Variants in ZNF717 observed in about 807,000 individuals in gnomAD.
ZNF717 encodes zinc finger protein 717.
A neutral mutation model predicts 13.8 loss-of-function variants in ZNF717; 9 were observed. The ratio of observed to expected loss-of-function variants is 0.65; its 90% CI spans 0.39 to 1.14. The LOEUF (loss-of-function observed/expected upper bound fraction) is 1.14, where lower values mean the gene tolerates loss of function less well. Among genes scored for constraint, ZNF717 ranks in the 50% most tolerant of loss-of-function variants. The pLI, the probability that ZNF717 is intolerant of heterozygous loss-of-function variation, is 0.01. For missense variants in ZNF717, 1,040 were observed against 1,080.7 expected, an observed-to-expected ratio of 0.96 and a Z score of 0.53; for synonymous variants, 327 against 364.1, an observed-to-expected ratio of 0.90 and a Z score of 1.16.
chr3:75,735,069 C>T (rs1164967203), downstream of ZNF717, among the ~76,000 whole-genome samples: 3 of 152,180 alleles, frequency 2.0e-5, no homozygotes, highest in Non-Finnish European at 4.4e-5. Context: ...TCATGATCCA[C>T]CTGTCTCAGC....
In ZNF717 at chr3:75,738,929, T is replaced by C. The variant is rs1401007740; in HGVS notation, c.694A>G (p.Ile232Val). ...TTATATTTACCAAAGGTCTGTACTA[T>C]ATGAACCCTCTTATGTATAAAGAAC... ...AMFFIHKRVHIVQTFGKYNEY... is the reference protein window; with the variant it reads ...AMFFIHKRVHVVQTFGKYNEY... Residue 232 changes from isoleucine to valine, a missense_variant, in exon 5 of 5, where the codon ATA becomes GTA. Coordinates refer to ENST00000652011, the MANE Select transcript of ZNF717 (RefSeq NM_001290208.3). The C allele has an allele frequency of 1.4e-5, 21 of 1,551,444 alleles. No individual in the cohort carries two copies. Among genetic ancestry groups the C allele is most frequent in the East Asian group, 9.8e-5 (4 of 40,928 alleles).
chr3:75,752,128 TC>T (rs1045808244), intron 2 of ZNF717, among the ~76,000 whole-genome samples: 1 of 150,768 alleles, frequency 6.6e-6, no homozygotes, highest in African/African-American at 2.4e-5. Context: ...TGAATATCTG[TC>T]CCCCACATAG....
intron 6 of ZNF717, among the ~76,000 whole-genome samples, chr3:75,694,785 C>G (rs932976000): frequency 6.6e-6 from 1 of 152,300 alleles, no homozygotes; most frequent in Non-Finnish European, 1.5e-5. Context: ...AGTCTAAAAT[C>G]ATGTATTATA....
downstream of ZNF717, among the ~76,000 whole-genome samples, chr3:75,733,605 C>A (rs1306525572): frequency 7.1e-5 from 2 of 28,008 alleles, no homozygotes; most frequent in African/African-American, 2.9e-4. Context: ...GGTGAAACCC[C>A]ATCTCCACGA....
intron 2 of ZNF717, among the ~76,000 whole-genome samples, chr3:75,748,362 C>A (rs1941368973): frequency 6.6e-6 from 1 of 152,044 alleles, no homozygotes; most frequent in Non-Finnish European, 1.5e-5. Context: ...ATCCTGATAC[C>A]AAAGCCTGGA....
intron 2 of ZNF717, among the ~76,000 whole-genome samples, chr3:75,755,495 A>G (rs1942391801): frequency 6.6e-6 from 1 of 152,032 alleles, no homozygotes; most frequent in African/African-American, 2.4e-5. Context: ...AAGCTTGTAG[A>G]TAATAATAAA....
chr3:75,727,221 T>C (rs1284255532), downstream of ZNF717, among the ~76,000 whole-genome samples: 3 of 45,856 alleles, frequency 6.5e-5, no homozygotes, highest in South Asian at 5.4e-4. Context: ...ACTGTATAAA[T>C]TGTTTGTAAA....
At chr3:75,713,479 T>C (rs1421808392) in intron 5 of ZNF717, among the ~76,000 whole-genome samples, 1 of 152,128 alleles carries the variant, frequency 6.6e-6, no homozygotes, top group Admixed American at 6.5e-5. Context: ...AAACTTGTAG[T>C]AACCTTAAAT....
rs200429524 is a variant in ZNF717 at position 75,778,454 on chromosome 3, G to A, written c.57+4852C>T. On this transcript the variant is annotated intron_variant, in intron 2 of 4. Transcript: ENST00000652011. ...GAACCCAAAACAATGGGAGTGATGT[G>A]CTAGACCAGAAACCCAAAACAGTGG... Among the ~76,000 whole-genome samples the A allele has an allele frequency of 5.9e-5, 9 of 151,988 alleles. No homozygotes were observed. The East Asian group carries it at 1.7e-3, about 29-fold the overall frequency.
chr3:75,752,096 C>A (rs1336781171), intron 2 of ZNF717, among the ~76,000 whole-genome samples: 1 of 150,782 alleles, frequency 6.6e-6, no homozygotes, highest in Non-Finnish European at 1.5e-5. Flanking sequence ...ACATAGGACT[C>A]TAGAACACTC....
At position 75,739,111 on chromosome 3, in the gene ZNF717, G is replaced by C. The variant is rs1939984418; in HGVS notation, c.512C>G (p.Pro171Arg). 4 of 1,551,194 alleles carry C rather than the reference G, an allele frequency of 2.6e-6. No individual in the cohort carries two copies. The highest frequency in any genetic ancestry group is 3.5e-6 in the Non-Finnish European group (4 of 1,146,726). Residue 171 changes from proline to arginine, a missense_variant, in exon 5 of 5, where the codon CCT (proline) becomes CGT (arginine). Pro to Arg is a moderately radical substitution (Grantham distance 103). Transcript: ENST00000652011. ...TTTCTCTCCAGACTGTGTCTCCCCA[G>C]GCTTAATAGGGAAAAGCATGTTCTG... is the stretch of plus-strand genomic sequence containing the variant. ...DCQNMLFPIK[P>R]GETQSGEKPH...
intron 2 of ZNF717, among the ~76,000 whole-genome samples, chr3:75,778,636 A>G (rs1338255340): frequency 6.6e-6 from 1 of 150,534 alleles, no homozygotes; most frequent in Non-Finnish European, 1.5e-5. Context: ...ACTTGCTAAA[A>G]CCAGAACCCA....
At chr3:75,770,828 A>C (rs1228905615) in intron 2 of ZNF717, among the ~76,000 whole-genome samples, 1 of 152,212 alleles carries the variant, frequency 6.6e-6, no homozygotes, top group Non-Finnish European at 1.5e-5. Context: ...AAGAGGTCTA[A>C]GCTGTAGAGA....
At chr3:75,752,879 T>C (rs1001776029) in intron 2 of ZNF717, among the ~76,000 whole-genome samples, 3 of 151,224 alleles carry the variant, frequency 2.0e-5, no homozygotes, top group African/African-American at 4.9e-5. Context: ...GTCTGAAAGT[T>C]TGTCCCTCAC....
At chr3:75,745,279 G>A (rs375524520) in intron 2 of ZNF717, among the ~76,000 whole-genome samples, 1 of 151,752 alleles carries the variant, frequency 6.6e-6, no homozygotes, top group East Asian at 2.0e-4. Context: ...CAATGCAGTA[G>A]CGTTCTGGCA....
At chr3:75,750,973 A>T (rs1229518665) in intron 2 of ZNF717, among the ~76,000 whole-genome samples, 1 of 151,400 alleles carries the variant, frequency 6.6e-6, no homozygotes, top group African/African-American at 2.4e-5. Flanking sequence ...CTGTGGTCTG[A>T]AAGTTTGTCC....
At chr3:75,780,856 G>C (rs905187443) in intron 2 of ZNF717, among the ~76,000 whole-genome samples, 1 of 152,248 alleles carries the variant, frequency 6.6e-6, no homozygotes, top group Non-Finnish European at 1.5e-5. Flanking sequence ...ATAAATCCTA[G>C]AACAAACCAG....
At chr3:75,776,602 G>T (rs1204346037) in intron 2 of ZNF717, among the ~76,000 whole-genome samples, 4 of 152,200 alleles carry the variant, frequency 2.6e-5, no homozygotes, top group African/African-American at 9.7e-5. Flanking sequence ...GACTGCCCTT[G>T]CCATCCACAT....
At chr3:75,774,189 CA>C (rs528249551) in intron 2 of ZNF717, among the ~76,000 whole-genome samples, 323 of 130,064 alleles carry the variant, frequency 2.5e-3, no homozygotes, top group East Asian at 6.4e-3. Flanking sequence ...AATAAACTAC[CA>C]AAAAAAAAAA....
Sources: allele counts gnomAD v4.1 joint callset (sites outside exome capture counted in the v4.1 genomes callset), GRCh38; gene constraint gnomAD v4.1.1; transcripts MANE v1.5; gene names NCBI Gene and HGNC (gene_info 2026-07-23, HGNC 2026-07-21).